Variants in MPDZ observed in about 807,000 individuals in gnomAD.
MPDZ encodes multiple PDZ domain protein.
A neutral mutation model predicts 239.1 loss-of-function variants in MPDZ; 234 were observed. The observed-to-expected ratio is 0.98, with a 90% CI of 0.88 to 1.09. The LOEUF (loss-of-function observed/expected upper bound fraction) is 1.09, where lower values mean the gene tolerates loss of function less well. Ranked by LOEUF, MPDZ falls within the 50% of genes least tolerant of loss-of-function variation. MPDZ has a pLI of 0.00. For missense variants in MPDZ, 3,175 were observed against 2,510.0 expected, an observed-to-expected ratio of 1.26 and a Z score of -5.66; for synonymous variants, 1,048 against 881.3, an observed-to-expected ratio of 1.19 and a Z score of -3.35.
At chr9:13,255,618 T>C (rs1356689441) in intron 1 of MPDZ, among the ~76,000 whole-genome samples, 1 of 152,240 alleles carries the variant, frequency 6.6e-6, no homozygotes, top group African/African-American at 2.4e-5. Context: ...GATGAAACTC[T>C]ATCAGAGCTC....
In MPDZ at chr9:13,224,556, T is replaced by G; in HGVS notation, c.211A>C (p.Asn71His). The G allele has an allele frequency of 6.2e-7, 1 of 1,611,158 alleles. No homozygotes were observed. The change falls in exon 4 of 47, where the codon AAT becomes CAT. Residue 71 changes from asparagine (N) to histidine (H), a missense_variant. Coordinates refer to ENST00000319217, the MANE Select transcript of MPDZ (RefSeq NM_001378778.1). Reference sequence around the variant, plus strand: ...TGAGGAACGTGGGCATATTCAATATTTGAAGTTGCTGAAGTTGCAATATTT... The same window carrying G: ...TGAGGAACGTGGGCATATTCAATATGTGAAGTTGCTGAAGTTGCAATATTT... ...QVNIATSATS[N>H]IEYAHVPHLS...
intron 8 of MPDZ, 43 bp downstream of exon 8, chr9:13,219,516 G>A: frequency 6.5e-7 from 1 of 1,550,264 alleles, no homozygotes; most frequent in East Asian, 2.3e-5. Context: ...TCATCTAAGT[G>A]TTATTTCTCT....
rs1337891976 is a variant in MPDZ at position 13,106,946 on chromosome 9, T to C, written c.*19A>G. On this transcript the variant is annotated 3_prime_UTR_variant, in exon 47 of 47. Transcript: ENST00000319217. ...GGAGGTGAGCTAGGGGTTGGGTTGG[T>C]TCAATTCTGGCAGCCAATTCAAGAG... 2 of 1,612,738 alleles carry C rather than the reference T, an allele frequency of 1.2e-6. No individual in the cohort carries two copies. Among genetic ancestry groups the C allele is most frequent in the Non-Finnish European group, 1.7e-6 (2 of 1,178,942 alleles).
Position 13,121,057 on chromosome 9 carries a change from A to G in MPDZ, c.5231+682T>C, listed in dbSNP as rs543374957. Among the ~76,000 whole-genome samples the G allele has an allele frequency of 9.5e-4, 144 of 152,360 alleles. 1 individual carries two copies. Among genetic ancestry groups the G allele is most frequent in the African/African-American group, 2.9e-3 (122 of 41,582 alleles). On this transcript the variant is annotated intron_variant, in intron 38 of 46. Coordinates refer to ENST00000319217, the MANE Select transcript of MPDZ (RefSeq NM_001378778.1). The stretch of plus-strand genomic sequence containing the variant: ...ATAAATGAGTTTGTTAATATTACTT[A>G]CATGTAAATACTTTTAAAATGTACT...
chr9:13,269,340 T>C (rs1030378054), intron 1 of MPDZ, among the ~76,000 whole-genome samples: 1 of 152,202 alleles, frequency 6.6e-6, no homozygotes, highest in African/African-American at 2.4e-5. Context: ...CAGGAAATAA[T>C]TGAATTTTAA....
intron 24 of MPDZ, among the ~76,000 whole-genome samples, chr9:13,156,705 A>G (rs150882905): frequency 2.0e-5 from 3 of 152,300 alleles, no homozygotes; most frequent in African/African-American, 4.8e-5. Flanking sequence ...TTTTCCTCTC[A>G]TAATATTGTT....
At chr9:13,148,042 T>C (rs998181589) in intron 25 of MPDZ, among the ~76,000 whole-genome samples, 3 of 151,974 alleles carry the variant, frequency 2.0e-5, no homozygotes, top group Admixed American at 6.6e-5. Flanking sequence ...TTCTTCTAAT[T>C]GACTATAGGG....
intron 10 of MPDZ, among the ~76,000 whole-genome samples, chr9:13,210,526 CAG>C (rs919589181): frequency 6.6e-6 from 1 of 151,798 alleles, no homozygotes; most frequent in African/African-American, 2.4e-5. Context: ...GGCAATGCAG[CAG>C]ATTGTGTCTA....
intron 45 of MPDZ, 36 bp from the exon 46 acceptor site, chr9:13,109,095 A>C: frequency 2.5e-6 from 2 of 815,912 alleles, no homozygotes; most frequent in East Asian, 9.9e-5. Context: ...GTTTTAAATT[A>C]AAAAAAAAAA....
chr9:13,263,895 TCA>T (rs1971242553), intron 1 of MPDZ, among the ~76,000 whole-genome samples: 1 of 152,198 alleles, frequency 6.6e-6, no homozygotes, highest in Non-Finnish European at 1.5e-5. Flanking sequence ...GAACAGTTAG[TCA>T]CACAATATAT....
intron 34 of MPDZ, 85 bp downstream of exon 34, chr9:13,126,431 A>C: frequency 9.2e-6 from 8 of 873,800 alleles, no homozygotes; most frequent in Non-Finnish European, 1.8e-6. Context: ...ACATAACCCT[A>C]ATTCTCTATG....
intron 3 of MPDZ, among the ~76,000 whole-genome samples, chr9:13,244,590 G>A (rs1966166685): frequency 6.6e-6 from 1 of 152,136 alleles, no homozygotes; most frequent in African/African-American, 2.4e-5. Context: ...TCTCAGACCT[G>A]CTAATATTTT....
chr9:13,137,028 C>T lies in MPDZ; in HGVS notation c.4201-225G>A, dbSNP rs1946919482. ...AAATAATGCAAATGAAGTCTGACATCCATGAACTGCTGATAAAGAGGCACC... is the reference window on the plus strand; with the variant it reads ...AAATAATGCAAATGAAGTCTGACATTCATGAACTGCTGATAAAGAGGCACC... On this transcript the variant is annotated intron_variant, in intron 29 of 46. Coordinates refer to ENST00000319217, the MANE Select transcript of MPDZ (RefSeq NM_001378778.1). Among the ~76,000 whole-genome samples, 6 of 152,086 alleles carry T rather than the reference C, an allele frequency of 3.9e-5. 1 individual carries two copies. In the South Asian group the frequency reaches 1.2e-3, roughly 32 times the overall value.
At chr9:13,186,118 C>T (rs1954058894) in intron 18 of MPDZ, among the ~76,000 whole-genome samples, 152 bp downstream of exon 18, 1 of 152,102 alleles carries the variant, frequency 6.6e-6, no homozygotes, top group Non-Finnish European at 1.5e-5. Flanking sequence ...TTCCCATTTT[C>T]AATTGTGAGA....
intron 37 of MPDZ, 31 bp downstream of exon 37, chr9:13,122,056 A>G (rs774030236): frequency 6.2e-7 from 1 of 1,611,592 alleles, no homozygotes; most frequent in East Asian, 2.2e-5. Flanking sequence ...TTCTCTGTTA[A>G]TTTTGAAGGT....
chr9:13,240,571 T>C (rs951989367), intron 3 of MPDZ, among the ~76,000 whole-genome samples: 7 of 10,324 alleles, frequency 6.8e-4, no homozygotes, highest in Middle Eastern at 0.071. Context: ...CAGTGTAACA[T>C]AATAAAAGTA....
intron 32 of MPDZ, among the ~76,000 whole-genome samples, chr9:13,131,996 C>T (rs991430375): frequency 6.6e-6 from 1 of 152,074 alleles, no homozygotes; most frequent in African/African-American, 2.4e-5. Context: ...TTGTATGTTC[C>T]CCTTACTTAC....
intron 3 of MPDZ, among the ~76,000 whole-genome samples, chr9:13,241,062 A>G: frequency 6.6e-6 from 1 of 152,186 alleles, no homozygotes; most frequent in East Asian, 1.9e-4. Flanking sequence ...TGCCCACGGT[A>G]AAACAAAAAT....
At chr9:13,183,025 T>C (rs1423582729) in intron 19 of MPDZ, among the ~76,000 whole-genome samples, 2 of 152,120 alleles carry the variant, frequency 1.3e-5, no homozygotes, top group African/African-American at 2.4e-5. Context: ...GCAAGAAATA[T>C]TTTACTATCC....
Sources: allele counts gnomAD v4.1 joint callset (sites outside exome capture counted in the v4.1 genomes callset), GRCh38; gene constraint gnomAD v4.1.1; transcripts MANE v1.5; gene names NCBI Gene and HGNC (gene_info 2026-07-23, HGNC 2026-07-21).